GPHN: variants seen among roughly 807,000 people sequenced by gnomAD.
GPHN encodes gephyrin.
Under a neutral mutation model 95.5 loss-of-function variants are expected in GPHN, and 17 were observed. That is an observed-to-expected ratio of 0.18 (90% CI 0.12 to 0.27). The LOEUF (loss-of-function observed/expected upper bound fraction) is 0.27. Among genes scored for constraint, GPHN ranks in the 10% least tolerant of loss-of-function variants. The pLI is 1.00. For synonymous variants in GPHN, 320 were observed against 322.5 expected (o/e 0.99, Z 0.08); for missense variants, 660 against 978.1 (o/e 0.67, Z 4.34).
chr14:66,994,694 A>G (rs185217669), intron 9 of GPHN, among the ~76,000 whole-genome samples: 263 of 152,364 alleles, frequency 1.7e-3, no homozygotes, highest in Non-Finnish European at 2.5e-3. Flanking sequence ...TAGACACAGA[A>G]CAAACATACA....
intron 3 of GPHN, among the ~76,000 whole-genome samples, chr14:66,778,325 A>G (rs2059463162): frequency 6.6e-6 from 1 of 152,000 alleles, no homozygotes; most frequent in Non-Finnish European, 1.5e-5. Context: ...AAATAGTAAC[A>G]GTCTTTTAGT....
At chr14:67,103,922 G>A (rs1466350311) in intron 13 of GPHN, among the ~76,000 whole-genome samples, 2 of 152,100 alleles carry the variant, frequency 1.3e-5, no homozygotes, top group African/African-American at 4.8e-5. Flanking sequence ...TAAAAGTGTT[G>A]AAAGTGGGCA....
At position 66,994,123 on chromosome 14, in the gene GPHN, T is replaced by G. The variant is rs551227330; in HGVS notation, c.963+28798T>G. 5.3e-5 allele frequency among the ~76,000 whole-genome samples: 8 copies of G among 152,266 alleles called. No individual in the cohort carries two copies. In the South Asian group the frequency reaches 1.7e-3, roughly 32 times the overall value. On this transcript the variant is annotated intron_variant, in intron 9 of 22. Coordinates refer to ENST00000478722, the MANE Select transcript of GPHN (RefSeq NM_020806.5). ...GCTCACGCCTGTAATTCCAGCACTT[T>G]GGGAGGCCGAGGCGAGTGGGTCACC...
chr14:66,511,773 T>G (rs111680229), intron 1 of GPHN, among the ~76,000 whole-genome samples: 79 of 152,170 alleles, frequency 5.2e-4, no homozygotes, highest in African/African-American at 1.6e-3. Flanking sequence ...TGCTTCATTA[T>G]TTTGAATTAT....
chr14:67,577,057 C>T, the GPHN span, among the ~76,000 whole-genome samples: 2 of 152,326 alleles, frequency 1.3e-5, no homozygotes, highest in South Asian at 4.1e-4. Context: ...TGCACTCAGA[C>T]ACCCACAACC....
chr14:67,114,118 T>A (rs1265951173), intron 16 of GPHN, among the ~76,000 whole-genome samples: 1 of 152,236 alleles, frequency 6.6e-6, no homozygotes, highest in African/African-American at 2.4e-5. Flanking sequence ...GACTGTTTTA[T>A]TTTGCAAATA....
chr14:66,552,131 T>C (rs2059836124), intron 1 of GPHN, among the ~76,000 whole-genome samples: 1 of 152,198 alleles, frequency 6.6e-6, no homozygotes, highest in African/African-American at 2.4e-5. Flanking sequence ...TACTCATTAA[T>C]GTCTGGCTCC....
At chr14:66,667,952 C>T (rs1481401057) in intron 1 of GPHN, among the ~76,000 whole-genome samples, 2 of 152,022 alleles carry the variant, frequency 1.3e-5, no homozygotes, top group East Asian at 3.9e-4. Context: ...GAAGAAAAAC[C>T]ACCCCATTAA....
the GPHN span, among the ~76,000 whole-genome samples, chr14:67,293,404 C>A: frequency 7.9e-5 from 12 of 152,028 alleles, no homozygotes; most frequent in African/African-American, 2.9e-4. Context: ...TCTGGAATCC[C>A]ATCAAGTGAA....
intron 5 of GPHN, among the ~76,000 whole-genome samples, chr14:66,883,740 A>G (rs61160728): frequency 0.011 from 1,605 of 152,164 alleles, 29 homozygotes; most frequent in African/African-American, 0.037. Context: ...AGCCTTTGCT[A>G]TATTGTTAGT....
intron 21 of GPHN, among the ~76,000 whole-genome samples, chr14:67,174,917 T>G (rs2082838005): frequency 6.6e-6 from 1 of 152,224 alleles, no homozygotes; most frequent in East Asian, 1.9e-4. Flanking sequence ...TGCCCACTTT[T>G]TGATGGGGTT....
chr14:66,884,792 ATGTG>A (rs577117525), intron 5 of GPHN, among the ~76,000 whole-genome samples: 2 of 145,936 alleles, frequency 1.4e-5, no homozygotes, highest in Non-Finnish European at 1.5e-5. Flanking sequence ...ACTCACACAT[ATGTG>A]TGTGTGTGTG....
chr14:67,383,523 A>T, the GPHN span: 1 of 1,561,534 alleles, frequency 6.4e-7, no homozygotes, highest in Non-Finnish European at 8.7e-7. Flanking sequence ...GTTTTCCAGT[A>T]TTGAAAACTT....
intron 4 of GPHN, among the ~76,000 whole-genome samples, chr14:66,833,149 A>C (rs151321314): frequency 6.6e-6 from 1 of 152,306 alleles, no homozygotes; most frequent in Non-Finnish European, 1.5e-5. Flanking sequence ...AATTTGTAAA[A>C]GAAAGAGGCT....
chr14:66,964,666 A>T (rs2069186690), intron 8 of GPHN, among the ~76,000 whole-genome samples: 2 of 152,172 alleles, frequency 1.3e-5, no homozygotes, highest in Admixed American at 6.6e-5. Context: ...ACCTTTGATG[A>T]TCTGGTAGAG....
At chr14:66,562,723 G>A (rs1473110129) in intron 1 of GPHN, among the ~76,000 whole-genome samples, 6 of 152,100 alleles carry the variant, frequency 3.9e-5, no homozygotes, top group Non-Finnish European at 8.8e-5. Flanking sequence ...ATAAGGGATA[G>A]TATGGTTTGC....
chr14:66,804,788 TA>T lies in GPHN; in HGVS notation c.202-19685del, dbSNP rs544866718. On this transcript the variant is annotated intron_variant, in intron 3 of 22. Coordinates refer to ENST00000478722, the MANE Select transcript of GPHN (RefSeq NM_020806.5). ...CTGATATCTTTAAAAGCAGCATTTT[TA>T]TAATTATGTGATGTTTTCCACTTGT... Among the ~76,000 whole-genome samples the T allele has an allele frequency of 4.3e-4, 65 of 152,354 alleles. 1 individual carries two copies. In the East Asian group the frequency reaches 0.012, roughly 28 times the overall value.
At chr14:67,201,560 C>G in the GPHN span, 1 of 455,410 alleles carries the variant, frequency 2.2e-6, no homozygotes, top group Non-Finnish European at 4.4e-6. Flanking sequence ...TGGAGGATAC[C>G]TCCTGTATGT....
At chr14:67,646,744 T>G in the GPHN span, 1 of 1,604,320 alleles carries the variant, frequency 6.2e-7, no homozygotes, top group Non-Finnish European at 8.5e-7. Context: ...GAACAGTAAG[T>G]TGATGCATTT....
Sources: allele counts gnomAD v4.1 joint callset (sites outside exome capture counted in the v4.1 genomes callset), GRCh38; gene constraint gnomAD v4.1.1; transcripts MANE v1.5; gene names NCBI Gene and HGNC (gene_info 2026-07-23, HGNC 2026-07-21).